The following MANBA variants were observed in gnomAD, a reference collection of about 807,000 sequenced individuals.
MANBA encodes beta-mannosidase.
Under a neutral mutation model 111.1 loss-of-function variants are expected in MANBA, and 83 were observed. The observed-to-expected ratio is 0.75, with a 90% CI of 0.63 to 0.90. MANBA has a LOEUF of 0.90. Ranked by LOEUF, MANBA falls within the 40% of genes least tolerant of loss-of-function variation. The probability of loss-of-function intolerance (pLI) is 0.00; values close to 1 mark genes in which losing one functional copy is unlikely to be tolerated. For missense variants in MANBA, 1,036 were observed against 1,069.0 expected, an observed-to-expected ratio of 0.97 and a Z score of 0.43; for synonymous variants, 370 against 378.7, an observed-to-expected ratio of 0.98 and a Z score of 0.27.
intron 13 of MANBA, among the ~76,000 whole-genome samples, chr4:102,644,989 T>C (rs1415410814): frequency 6.6e-6 from 1 of 152,052 alleles, no homozygotes; most frequent in Non-Finnish European, 1.5e-5. Context: ...TGAATCAATC[T>C]ATTATATATA....
chr4:102,681,975 C>T (rs1481952213), intron 7 of MANBA, among the ~76,000 whole-genome samples: 3 of 151,788 alleles, frequency 2.0e-5, no homozygotes, highest in Non-Finnish European at 2.9e-5. Context: ...GAGAAACCCC[C>T]ATCTCTACTA....
Position 102,631,436 on chromosome 4 carries a change from T to G in MANBA, c.*621A>C, listed in dbSNP as rs540186289. On this transcript the variant is annotated 3_prime_UTR_variant, in exon 17 of 17. Transcript: ENST00000647097. Reference sequence around the variant, plus strand: ...ATGGAAATTAGGGTCCAGCACAGTATTGGGCAAAATTGAATATTTATAGAA... The same window carrying G: ...ATGGAAATTAGGGTCCAGCACAGTAGTGGGCAAAATTGAATATTTATAGAA... 4.0e-6 allele frequency: 1 copy of G among 251,246 alleles called. No individual in the cohort carries two copies. The highest frequency in any genetic ancestry group is 7.4e-5 in the East Asian group (1 of 13,526). 15.6% of individuals were successfully genotyped at this position (251,246 alleles called of 1,614,324 possible).
intron 7 of MANBA, among the ~76,000 whole-genome samples, chr4:102,675,755 T>G (rs1284014041): frequency 6.6e-6 from 1 of 152,210 alleles, no homozygotes; most frequent in Non-Finnish European, 1.5e-5. Context: ...CAAAATGGGA[T>G]TAGAAGGCTT....
intron 7 of MANBA, among the ~76,000 whole-genome samples, chr4:102,685,928 CTGAAGA>C (rs1417662159): frequency 0.031 from 8 of 254 alleles, no homozygotes; most frequent in African/African-American, 0.097. Context: ...AGATTGAAGA[CTGAAGA>C]CTGAAGACTG....
At chr4:102,636,919 GTAGGAGGGACC>G (rs886637835) in intron 14 of MANBA, among the ~76,000 whole-genome samples, 3 of 152,090 alleles carry the variant, frequency 2.0e-5, no homozygotes, top group African/African-American at 7.2e-5. Flanking sequence ...CCCATGTGTT[GTAGGAGGGACC>G]TGGTAGGAGG....
chr4:102,721,061 C>T (rs150222849), intron 4 of MANBA, among the ~76,000 whole-genome samples: 65 of 152,296 alleles, frequency 4.3e-4, no homozygotes, highest in African/African-American at 1.1e-3. Flanking sequence ...TCATGGCTCA[C>T]GCCTGTAATC....
At chr4:102,674,203 C>T (rs1731621892) in intron 7 of MANBA, 133 bp from the exon 8 acceptor site, 1 of 667,304 alleles carries the variant, frequency 1.5e-6, no homozygotes, top group African/African-American at 1.8e-5. Flanking sequence ...CTATGAAGCA[C>T]ATAATGTGGA....
At chr4:102,742,047 G>T (rs557794964) in intron 1 of MANBA, among the ~76,000 whole-genome samples, 14 of 152,190 alleles carry the variant, frequency 9.2e-5, no homozygotes, top group African/African-American at 3.4e-4. Context: ...ACACCCCAAG[G>T]GATCTCCTGT....
At chr4:102,640,154 G>A (rs1001746984) in intron 13 of MANBA, among the ~76,000 whole-genome samples, 3 of 152,058 alleles carry the variant, frequency 2.0e-5, no homozygotes, top group Non-Finnish European at 2.9e-5. Flanking sequence ...AGTGTAGGCC[G>A]TAAAGAAAAA....
At chr4:102,732,455 C>T (rs1315252661) in intron 1 of MANBA, among the ~76,000 whole-genome samples, 11 of 152,208 alleles carry the variant, frequency 7.2e-5, no homozygotes, top group African/African-American at 1.7e-4. Flanking sequence ...CAGATGAACA[C>T]GTTAGGCTGG....
chr4:102,658,002 G>C, intron 11 of MANBA, 102 bp from the exon 12 acceptor site: 1 of 859,920 alleles, frequency 1.2e-6, no homozygotes, highest in South Asian at 1.4e-5. Flanking sequence ...GAAATGCCAA[G>C]TAGCTGATAG....
intron 5 of MANBA, among the ~76,000 whole-genome samples, chr4:102,710,508 A>G (rs1250429427): frequency 6.6e-6 from 1 of 152,192 alleles, no homozygotes; most frequent in Non-Finnish European, 1.5e-5. Context: ...TAAATTGAAG[A>G]GGTCACACAA....
At chr4:102,695,038 A>G (rs1732644817) in intron 5 of MANBA, among the ~76,000 whole-genome samples, 1 of 152,216 alleles carries the variant, frequency 6.6e-6, no homozygotes. Context: ...GAAAAAAACA[A>G]AGAGCACAAT....
intron 1 of MANBA, chr4:102,754,094 T>A (rs180975418): frequency 3.7e-6 from 1 of 272,826 alleles, no homozygotes; most frequent in Admixed American, 5.1e-5. Flanking sequence ...AATAAACTTA[T>A]GAAATAAACG....
chr4:102,754,758 G>A lies in MANBA; in HGVS notation c.177+5960C>T, dbSNP rs111744032. ...TTTTTAGTAGAGACGGGGTTTCACC[G>A]TATTAGCCAGGATGGTCTCGATCTC... On this transcript the variant is annotated intron_variant, in intron 1 of 16. Coordinates refer to ENST00000647097, the MANE Select transcript of MANBA (RefSeq NM_005908.4). Among the ~76,000 whole-genome samples the A allele has an allele frequency of 1.9e-3, 293 of 152,044 alleles. 2 individuals carry two copies. The highest frequency in any genetic ancestry group is 6.7e-3 in the African/African-American group (276 of 41,462).
intron 13 of MANBA, among the ~76,000 whole-genome samples, chr4:102,650,271 C>T (rs1578869132): frequency 6.6e-6 from 1 of 152,140 alleles, no homozygotes; most frequent in Non-Finnish European, 1.5e-5. Context: ...AATTACTAAA[C>T]CTTTAGAGCA....
In MANBA at chr4:102,707,978, T is replaced by C. The variant is rs182740333; in HGVS notation, c.673+6460A>G. The stretch of plus-strand genomic sequence containing the variant: ...AGAGAATATAATAATTCTACATATA[T>C]CTGCACCCAACTTGGAGAACCCAGA... On this transcript the variant is annotated intron_variant, in intron 5 of 16. Coordinates refer to ENST00000647097, the MANE Select transcript of MANBA (RefSeq NM_005908.4). 2.0e-3 allele frequency among the ~76,000 whole-genome samples: 309 copies of C among 152,200 alleles called. 1 individual carries two copies. Among genetic ancestry groups the C allele is most frequent in the Admixed American group, 3.1e-3 (48 of 15,276 alleles).
chr4:102,727,682 A>C, intron 1 of MANBA: 1 of 1,302,534 alleles, frequency 7.7e-7, no homozygotes, highest in Non-Finnish European at 1.1e-6. Flanking sequence ...TCTCAGCAGA[A>C]TCTCCCTCAG....
At chr4:102,683,312 C>T (rs1732065309) in intron 7 of MANBA, among the ~76,000 whole-genome samples, 2 of 152,142 alleles carry the variant, frequency 1.3e-5, no homozygotes, top group African/African-American at 2.4e-5. Flanking sequence ...CTTATTATTA[C>T]ATCTATTTTC....
Sources: gnomAD v4.1 joint callset for allele counts (sites outside exome capture counted in the v4.1 genomes callset) on GRCh38, gnomAD v4.1.1 for gene constraint, MANE v1.5 for transcripts, NCBI Gene and HGNC (gene_info 2026-07-23, HGNC 2026-07-21) for gene names.